The following TENM4 variants were observed in gnomAD, a reference collection of about 807,000 sequenced individuals.
TENM4 encodes teneurin transmembrane protein 4.
In TENM4, 82 loss-of-function variants were observed where a neutral mutation model predicts 243.3. The observed-to-expected ratio is 0.34, with a 90% CI of 0.28 to 0.40. TENM4 has a LOEUF of 0.40. TENM4 is among the 10% of genes least tolerant of loss of function. The pLI, the probability that TENM4 is intolerant of heterozygous loss-of-function variation, is 1.00. For synonymous variants in TENM4, 1,412 were observed against 1,456.3 expected (o/e 0.97, Z 0.69); for missense variants, 3,138 against 3,673.3 (o/e 0.85, Z 3.77).
chr11:79,286,506 A>G (rs1856254691), intron 2 of TENM4, among the ~76,000 whole-genome samples: 1 of 151,546 alleles, frequency 6.6e-6, no homozygotes, highest in African/African-American at 2.4e-5. Context: ...ATCCAAAAAA[A>G]AAAAAAAAAA....
chr11:79,056,754 T>A (rs555528794), intron 6 of TENM4, among the ~76,000 whole-genome samples: 1 of 149,516 alleles, frequency 6.7e-6, no homozygotes, highest in African/African-American at 2.5e-5. Flanking sequence ...GTGGGAGGAG[T>A]GGGCAAGGGA....
chr11:79,091,037 G>A (rs75394740), intron 4 of TENM4, among the ~76,000 whole-genome samples: 1,970 of 152,306 alleles, frequency 0.013, 49 homozygotes, highest in African/African-American at 0.045. Context: ...AATGTCAGAC[G>A]CTGGCAGTCA....
chr11:78,894,918 C>T (rs538327768), intron 7 of TENM4, among the ~76,000 whole-genome samples: 29 of 145,032 alleles, frequency 2.0e-4, no homozygotes, highest in African/African-American at 6.8e-4. Flanking sequence ...CACCTGAACC[C>T]GGGGAGGCTG....
At chr11:79,133,876 CCA>C (rs1017139011) in intron 4 of TENM4, among the ~76,000 whole-genome samples, 3 of 152,032 alleles carry the variant, frequency 2.0e-5, no homozygotes, top group African/African-American at 7.3e-5. Context: ...TATGACAAAC[CCA>C]CAGACAACAT....
At chr11:78,765,666 C>A (rs1026349496) in intron 18 of TENM4, among the ~76,000 whole-genome samples, 1 of 152,218 alleles carries the variant, frequency 6.6e-6, no homozygotes, top group African/African-American at 2.4e-5. Context: ...CTAATCCTAG[C>A]TCTCCCGCTG....
intron 6 of TENM4, among the ~76,000 whole-genome samples, chr11:79,002,330 C>T (rs1858351496): frequency 1.3e-5 from 2 of 152,372 alleles, no homozygotes; most frequent in African/African-American, 4.8e-5. Context: ...CATGCTGCTA[C>T]AGCTACTGAC....
At chr11:79,072,879 C>A (rs760776557) in intron 4 of TENM4, among the ~76,000 whole-genome samples, 1 of 152,090 alleles carries the variant, frequency 6.6e-6, no homozygotes, top group Non-Finnish European at 1.5e-5. Context: ...ATTAATAACT[C>A]ATAATATTAA....
intron 4 of TENM4, among the ~76,000 whole-genome samples, chr11:79,114,183 C>T (rs1441304229): frequency 6.6e-6 from 1 of 152,134 alleles, no homozygotes; most frequent in Non-Finnish European, 1.5e-5. Context: ...TTTAAAGCCC[C>T]TCCCTCCTCT....
chr11:78,693,193 T>C (rs886634006), intron 28 of TENM4, among the ~76,000 whole-genome samples: 5 of 152,218 alleles, frequency 3.3e-5, no homozygotes, highest in African/African-American at 7.2e-5. Flanking sequence ...TGCCTTTCCT[T>C]GTCCAAATGA....
intron 1 of TENM4, among the ~76,000 whole-genome samples, chr11:79,354,294 C>G (rs1490524894): frequency 1.3e-5 from 2 of 152,138 alleles, no homozygotes; most frequent in African/African-American, 4.8e-5. Flanking sequence ...GCTGATGAAC[C>G]CTACCCAGTG....
At chr11:79,276,562 G>A (rs562862807) in intron 2 of TENM4, among the ~76,000 whole-genome samples, 13 of 152,270 alleles carry the variant, frequency 8.5e-5, no homozygotes, top group African/African-American at 2.9e-4. Context: ...CAGGCCCAGC[G>A]CCCCCTGATG....
intron 1 of TENM4, among the ~76,000 whole-genome samples, chr11:79,422,643 A>C (rs1858959689): frequency 6.6e-6 from 1 of 152,218 alleles, no homozygotes; most frequent in South Asian, 2.1e-4. Flanking sequence ...AATGTTAAAT[A>C]ATTCAGAAGC....
chr11:79,262,671 G>A (rs495001), intron 2 of TENM4, among the ~76,000 whole-genome samples: 94,027 of 152,072 alleles, frequency 0.62, 30,362 homozygotes, highest in African/African-American at 0.82. Flanking sequence ...AAGTGGCAGA[G>A]GTGCTTGGAG....
intron 10 of TENM4, 72 bp from the exon 11 acceptor site, chr11:78,856,250 C>A: frequency 1.6e-5 from 22 of 1,344,560 alleles, no homozygotes; most frequent in Non-Finnish European, 2.3e-5. Flanking sequence ...ACCAGGGCAT[C>A]TGAACACCCG....
At chr11:79,237,329 A>G (rs1264570582) in intron 2 of TENM4, among the ~76,000 whole-genome samples, 9 of 152,176 alleles carry the variant, frequency 5.9e-5, no homozygotes, top group Admixed American at 3.3e-4. Flanking sequence ...GCCCTGCTAC[A>G]GTTCTGCTAA....
At chr11:79,288,479 G>A (rs747244110) in intron 2 of TENM4, among the ~76,000 whole-genome samples, 3 of 152,172 alleles carry the variant, frequency 2.0e-5, no homozygotes, top group Non-Finnish European at 2.9e-5. Flanking sequence ...AGGCTTCTCC[G>A]CTGATTCCAC....
At chr11:79,432,133 AGATT>A (rs1309964381) in intron 1 of TENM4, among the ~76,000 whole-genome samples, 1 of 152,208 alleles carries the variant, frequency 6.6e-6, no homozygotes, top group Non-Finnish European at 1.5e-5. Context: ...GAATAGCTCT[AGATT>A]ATCTAGTGCA....
At chr11:78,769,946 T>C (rs1856613484) in intron 18 of TENM4, among the ~76,000 whole-genome samples, 2 of 152,244 alleles carry the variant, frequency 1.3e-5, no homozygotes, top group African/African-American at 4.8e-5. Flanking sequence ...TCCCTCTAAA[T>C]AGAAAATTCC....
At position 78,712,623 on chromosome 11, in the gene TENM4, T is replaced by C. The variant is rs1210003623; in HGVS notation, c.3913A>G (p.Ile1305Val). Reference protein sequence around the residue: ...SDSNSRRVFKIKSTVVVKDLV... With the variant: ...SDSNSRRVFKVKSTVVVKDLV... Reference sequence around the variant, plus strand: ...TCCTTCACCACCACAGTGGACTTGATTTTAAAGACCCGCCGGCTGTTGCTG... The same window carrying C: ...TCCTTCACCACCACAGTGGACTTGACTTTAAAGACCCGCCGGCTGTTGCTG... The change falls in exon 26 of 34, where the codon ATC becomes GTC. Residue 1305 changes from isoleucine to valine, a missense_variant. Transcript: ENST00000278550. 6.2e-7 allele frequency: 1 copy of C among 1,613,874 alleles called. No individual in the cohort carries two copies. Among genetic ancestry groups the C allele is most frequent in the African/African-American group, 1.3e-5 (1 of 74,920 alleles).
Sources: gnomAD v4.1 joint callset for allele counts (sites outside exome capture counted in the v4.1 genomes callset) on GRCh38, gnomAD v4.1.1 for gene constraint, MANE v1.5 for transcripts, NCBI Gene and HGNC (gene_info 2026-07-23, HGNC 2026-07-21) for gene names.